ODAPH: variants seen among roughly 807,000 people sequenced by gnomAD.
ODAPH encodes amelogenesis imperfecta type IIA4.
A neutral mutation model predicts 2.8 loss-of-function variants in ODAPH; 2 were observed. The ratio of observed to expected loss-of-function variants is 0.72; its 90% CI spans 0.30 to 2.28. The LOEUF (loss-of-function observed/expected upper bound fraction) is 2.28. ODAPH is among the 30% of genes most tolerant of loss of function. The pLI, the probability that ODAPH is intolerant of heterozygous loss-of-function variation, is 0.13. For synonymous variants in ODAPH, 75 were observed against 60.3 expected, an observed-to-expected ratio of 1.24 and a Z score of -1.13; for missense variants, 159 against 163.3, an observed-to-expected ratio of 0.97 and a Z score of 0.14.
intron 1 of ODAPH, among the ~76,000 whole-genome samples, chr4:75,560,037 A>T (rs191231103): frequency 1.1e-4 from 16 of 152,316 alleles, no homozygotes; most frequent in Non-Finnish European, 1.9e-4. Context: ...TTAGCCAGGC[A>T]AAGAGTGCTC....
In ODAPH at chr4:75,564,160, G is replaced by T. The variant is rs199749835; in HGVS notation, c.114G>T (p.Ala38=). 5.0e-6 allele frequency: 8 copies of T among 1,614,010 alleles called. No individual in the cohort carries two copies. Among genetic ancestry groups the T allele is most frequent in the Middle Eastern group, 1.6e-4 (1 of 6,084 alleles). ...CTCCTGGAGATTCACAAAATAATGC[G>T]GACGCTACCGACTGCCAGATCTTTA... The part of the protein sequence containing the change: ...FTPPGDSQNN[A]DATDCQIFTL... The change falls in exon 2 of 2, where the codon GCG becomes GCT. Residue 38 remains alanine (A), a synonymous_variant. Transcript: ENST00000311623.
intron 1 of ODAPH, 66 bp downstream of exon 1, chr4:75,556,215 T>C (rs1049724985): frequency 6.3e-6 from 9 of 1,435,198 alleles, no homozygotes; most frequent in Non-Finnish European, 8.8e-6. Context: ...AAGACAAAAC[T>C]GGCTCCATGA....
chr4:75,556,717 C>T (rs1727351794), intron 1 of ODAPH: 2 of 702,652 alleles, frequency 2.8e-6, no homozygotes, highest in Non-Finnish European at 4.8e-6. Flanking sequence ...TTCCTATTCT[C>T]TTTCTTTGTT....
intron 1 of ODAPH, among the ~76,000 whole-genome samples, chr4:75,562,130 TC>T (rs1727602659): frequency 6.6e-6 from 1 of 152,154 alleles, no homozygotes; most frequent in Non-Finnish European, 1.5e-5. Context: ...AGTGGTCCAA[TC>T]AGCCATAGCC....
intron 1 of ODAPH, chr4:75,556,644 G>T: frequency 7.6e-7 from 1 of 1,310,828 alleles, no homozygotes; most frequent in Non-Finnish European, 1.1e-6. Flanking sequence ...CTGCATTTTG[G>T]TGCCACAGAG....
rs531247114 is a variant in ODAPH, at chr4:75,557,795, C to T, written c.67+1646C>T. ...CGTTCACACACACCCTGGGTCTGCC[C>T]GACAAGGTCATGTGTGGATCTCCAT... is the stretch of plus-strand genomic sequence containing the variant. On this transcript the variant is annotated intron_variant, in intron 1 of 1. Coordinates refer to ENST00000311623, the MANE Select transcript of ODAPH (RefSeq NM_178497.5). 8.5e-5 allele frequency among the ~76,000 whole-genome samples: 13 copies of T among 152,340 alleles called. 1 individual carries two copies. The South Asian group carries it at 2.5e-3, about 29-fold the overall frequency.
At chr4:75,562,908 AAC>A (rs1188462392) in intron 1 of ODAPH, among the ~76,000 whole-genome samples, 1 of 151,306 alleles carries the variant, frequency 6.6e-6, no homozygotes, top group Non-Finnish European at 1.5e-5. Flanking sequence ...AGAACTTTTG[AAC>A]AGTTATTTTT....
chr4:75,561,996 G>A (rs1186575807), intron 1 of ODAPH, among the ~76,000 whole-genome samples: 1 of 152,106 alleles, frequency 6.6e-6, no homozygotes, highest in African/African-American at 2.4e-5. Context: ...ACATTCCACA[G>A]GACAAAACCT....
At chr4:75,558,583 A>G in intron 1 of ODAPH, among the ~76,000 whole-genome samples, 1 of 151,862 alleles carries the variant, frequency 6.6e-6, no homozygotes, top group East Asian at 1.9e-4. Context: ...AGTTGTTGGT[A>G]TGCTGTGAAT....
At chr4:75,561,085 G>T (rs2903699) in intron 1 of ODAPH, among the ~76,000 whole-genome samples, 2 of 151,948 alleles carry the variant, frequency 1.3e-5, no homozygotes, top group Admixed American at 6.6e-5. Flanking sequence ...TTAGCCGGGC[G>T]TGGTGGCGCG....
intron 1 of ODAPH, 82 bp downstream of exon 1, chr4:75,556,231 C>A: frequency 1.5e-6 from 2 of 1,304,518 alleles, no homozygotes; most frequent in Non-Finnish European, 2.2e-6. Context: ...CATGATTATA[C>A]GTTCCCATAA....
intron 1 of ODAPH, among the ~76,000 whole-genome samples, chr4:75,559,660 G>C (rs564628212): frequency 1.3e-5 from 2 of 152,288 alleles, no homozygotes; most frequent in South Asian, 4.1e-4. Context: ...TTGACATCCA[G>C]TGCCTTTGAT....
chr4:75,562,268 A>G (rs1051429821), intron 1 of ODAPH, among the ~76,000 whole-genome samples: 1 of 152,118 alleles, frequency 6.6e-6, no homozygotes, highest in African/African-American at 2.4e-5. Context: ...CCTGAATTCA[A>G]CTGTCCCAAA....
chr4:75,561,752 C>G (rs1578295783), intron 1 of ODAPH, among the ~76,000 whole-genome samples: 1 of 152,206 alleles, frequency 6.6e-6, no homozygotes, highest in East Asian at 1.9e-4. Context: ...GAGGCTGAGG[C>G]AGGAGAATCA....
In ODAPH at chr4:75,564,542, G is replaced by A; in HGVS notation, c.*103G>A. On this transcript the variant is annotated 3_prime_UTR_variant, in exon 2 of 2. Coordinates refer to ENST00000311623, the MANE Select transcript of ODAPH (RefSeq NM_178497.5). ...TTATCTTTCGAAACTAAAACTATTG[G>A]ATTTGAAGATTAAGTATCCTAAACA... 1 of 1,596,796 alleles carries A rather than the reference G, an allele frequency of 6.3e-7. No homozygotes were observed. The highest frequency in any genetic ancestry group is 8.5e-7 in the Non-Finnish European group (1 of 1,174,152).
In ODAPH at chr4:75,564,143, G is replaced by T. The variant is rs1478541833; in HGVS notation, c.97G>T (p.Asp33Tyr). Residue 33 changes from aspartate (D) to tyrosine (Y), a missense_variant, in exon 2 of 2, where the codon GAT becomes TAT. Asp to Tyr is a radical substitution (Grantham distance 160). Transcript: ENST00000311623. ...AGAAGAGGTATTTACGCCTCCTGGA[G>T]ATTCACAAAATAATGCGGACGCTAC... ...GQEEVFTPPG[D>Y]SQNNADATDC... 1 of 1,614,166 alleles carries T rather than the reference G, an allele frequency of 6.2e-7. No individual in the cohort carries two copies. Among genetic ancestry groups the T allele is most frequent in the South Asian group, 1.1e-5 (1 of 91,078 alleles).
chr4:75,562,142 A>G (rs13126597), intron 1 of ODAPH, among the ~76,000 whole-genome samples: 38,196 of 152,042 alleles, frequency 0.25, 5,100 homozygotes, highest in African/African-American at 0.33. Context: ...AGCCATAGCC[A>G]GAAGGTGCGT....
intron 1 of ODAPH, among the ~76,000 whole-genome samples, chr4:75,558,978 A>G (rs1727456770): frequency 6.6e-6 from 1 of 152,158 alleles, no homozygotes; most frequent in African/African-American, 2.4e-5. Flanking sequence ...TTATAAGTGT[A>G]AGCCACCACG....
At chr4:75,564,031 C>G in intron 1 of ODAPH, 83 bp from the exon 2 acceptor site, 1 of 1,223,446 alleles carries the variant, frequency 8.2e-7, no homozygotes, top group Admixed American at 1.8e-5. Flanking sequence ...CTCTTCCCAT[C>G]TTTCTCCTCT....
Sources: allele counts gnomAD v4.1 joint callset (sites outside exome capture counted in the v4.1 genomes callset), GRCh38; gene constraint gnomAD v4.1.1; transcripts MANE v1.5; gene names NCBI Gene and HGNC (gene_info 2026-07-23, HGNC 2026-07-21).